Variants in SPOCK2 observed in about 807,000 individuals in gnomAD.
The protein encoded by SPOCK2 is SPARC (osteonectin), cwcv and kazal like domains proteoglycan 2, also known as testican-2.
A neutral mutation model predicts 60.1 loss-of-function variants in SPOCK2; 39 were observed. That is an observed-to-expected ratio of 0.65 (90% CI 0.50 to 0.85). The LOEUF is 0.85. Ranked by LOEUF, SPOCK2 falls within the 40% of genes least tolerant of loss-of-function variation. SPOCK2 has a pLI of 0.00. For missense variants in SPOCK2, 523 were observed against 567.4 expected, an observed-to-expected ratio of 0.92 and a Z score of 0.80; for synonymous variants, 217 against 231.5, an observed-to-expected ratio of 0.94 and a Z score of 0.57.
rs1463510858 is a variant in SPOCK2 at position 72,059,575 on chromosome 10, G to A, written c.*3185C>T. ...CATTTGTTCTCCCCAGGGGCTGAGG[G>A]CTCGGGCTTTGGTGAAGCAGAGGGT... is the stretch of plus-strand genomic sequence containing the variant. On this transcript the variant is annotated 3_prime_UTR_variant, in exon 11 of 11. Coordinates refer to ENST00000373109, the MANE Select transcript of SPOCK2 (RefSeq NM_001244950.2). The A allele has an allele frequency of 6.6e-6, 1 of 152,252 alleles. No individual in the cohort carries two copies. Among genetic ancestry groups the A allele is most frequent in the South Asian group, 2.1e-4 (1 of 4,830 alleles). 9.4% of individuals were successfully genotyped at this position (152,252 alleles called of 1,614,324 possible). A position where few individuals can be genotyped will look rare whatever the true frequency, so the allele number is the denominator to read the frequency against.
chr10:72,068,318 G>A lies in SPOCK2; in HGVS notation c.475-17C>T, dbSNP rs188474891. The A allele has an allele frequency of 1.9e-6, 3 of 1,594,780 alleles. No homozygotes were observed. The highest frequency in any genetic ancestry group is 1.1e-5 in the South Asian group (1 of 88,294). On this transcript the variant is annotated splice_polypyrimidine_tract_variant and intron_variant, in intron 5 of 10. Transcript: ENST00000373109. Reference sequence around the variant, plus strand: ...CAGCTTACACTGCACATGGGGAAAGGTGGAACAGGGGACTGAGGGCTTACC... The same window carrying A: ...CAGCTTACACTGCACATGGGGAAAGATGGAACAGGGGACTGAGGGCTTACC...
At position 72,063,142 on chromosome 10, in the gene SPOCK2, C is replaced by T. The variant is rs775714079; in HGVS notation, c.1012G>A (p.Asp338Asn). Reference sequence around the variant, plus strand: ...ATCTTCCGGTAGTAGCCATCCTCGTCGCAGCTCGGGATGAAGATGCCTGAA... The same window carrying T: ...ATCTTCCGGTAGTAGCCATCCTCGTTGCAGCTCGGGATGAAGATGCCTGAA... ...KKPGIFIPSC[D>N]EDGYYRKMQC... Residue 338 changes from aspartate to asparagine, a missense_variant, in exon 10 of 11, where the codon GAC becomes AAC. Asp to Asn is a conservative substitution (Grantham distance 23). Coordinates refer to ENST00000373109, the MANE Select transcript of SPOCK2 (RefSeq NM_001244950.2). 23 of 1,556,740 alleles carry T rather than the reference C, an allele frequency of 1.5e-5. No individual in the cohort carries two copies. The Admixed American group carries it at 2.7e-4, about 18-fold the overall frequency.
Position 72,087,042 on chromosome 10 carries a change from T to C in SPOCK2, c.189+1098A>G, listed in dbSNP as rs1840868002. On this transcript the variant is annotated intron_variant, in intron 1 of 10. Coordinates refer to ENST00000373109, the MANE Select transcript of SPOCK2 (RefSeq NM_001244950.2). This position sits in a 1 kb window ranked among gnomAD's most constrained non-coding sequence, Gnocchi z 4.7. ...GGGTCCTAGAAGAGGTTTTCTGGGG[T>C]CAGGGCCGCGGTGAGCACCAGGTCG... 2 of 1,539,378 alleles carry C rather than the reference T, an allele frequency of 1.3e-6. No homozygotes were observed. The highest frequency in any genetic ancestry group is 1.4e-5 in the African/African-American group (1 of 72,442).
chr10:72,080,197 C>T (rs955277932), intron 1 of SPOCK2, among the ~76,000 whole-genome samples: 2 of 152,124 alleles, frequency 1.3e-5, no homozygotes, highest in African/African-American at 2.4e-5. Flanking sequence ...AGCGACAGGA[C>T]GGAAAGAAGA....
intron 5 of SPOCK2, among the ~76,000 whole-genome samples, chr10:72,069,514 G>C (rs1589119972): frequency 6.8e-6 from 1 of 147,640 alleles, no homozygotes; most frequent in African/African-American, 2.5e-5. Context: ...CTGTCACCCA[G>C]GCTGGAGTGC....
In SPOCK2 at chr10:72,068,242, G is replaced by A; in HGVS notation, c.534C>T (p.Gly178=). 3 of 1,611,910 alleles carry A rather than the reference G, an allele frequency of 1.9e-6. No individual in the cohort carries two copies. Among genetic ancestry groups the A allele is most frequent in the Admixed American group, 1.7e-5 (1 of 59,836 alleles). The part of the protein sequence containing the change: ...SSKQLAVRCE[G]PCPCPTEQAA... ...CCTGCTCCGTGGGGCAGGGGCAGGG[G>A]CCCTCGCATCGCACCGCCAGCTGCT... Residue 178 remains glycine, a synonymous_variant, in exon 6 of 11, where the codon GGC becomes GGT. Coordinates refer to ENST00000373109, the MANE Select transcript of SPOCK2 (RefSeq NM_001244950.2).
At chr10:72,070,568 C>G in intron 4 of SPOCK2, 142 bp from the exon 5 acceptor site, 1 of 709,124 alleles carries the variant, frequency 1.4e-6, no homozygotes, top group East Asian at 2.8e-5. Flanking sequence ...CCTGCCCACC[C>G]TCCCCACACT....
At chr10:72,074,651 T>C (rs1014885371) in intron 1 of SPOCK2, among the ~76,000 whole-genome samples, 2 of 152,300 alleles carry the variant, frequency 1.3e-5, no homozygotes, top group Admixed American at 6.5e-5. Context: ...CTCGAGGCTC[T>C]CCCTCAGGCT....
At position 72,062,939 on chromosome 10, in the gene SPOCK2, A is replaced by G; in HGVS notation, c.1130-34T>C. The G allele has an allele frequency of 6.3e-7, 1 of 1,590,292 alleles. No homozygotes were observed. The highest frequency in any genetic ancestry group is 1.1e-5 in the South Asian group (1 of 88,356). On this transcript the variant is annotated intron_variant, in intron 10 of 10. Coordinates refer to ENST00000373109, the MANE Select transcript of SPOCK2 (RefSeq NM_001244950.2). This position sits in a 1 kb window ranked among gnomAD's most constrained non-coding sequence, Gnocchi z 4.3. ...GGATCAAGCCAACAGGGGGTGAGGG[A>G]GCTTCTGGCACGCACCCCCCAGCAT...
In SPOCK2 at chr10:72,059,702, T is replaced by G. The variant is rs1589114726; in HGVS notation, c.*3058A>C. On this transcript the variant is annotated 3_prime_UTR_variant, in exon 11 of 11. Transcript: ENST00000373109. ...GCAGGCGGGCTGGAGTGAAGGGGGG[T>G]GACCACCCCCCACGTGTGGGACAAC... The G allele has an allele frequency of 6.6e-6, 1 of 150,384 alleles. No homozygotes were observed. 9.3% of individuals were successfully genotyped at this position (150,384 alleles called of 1,614,324 possible). A position where few individuals can be genotyped will look rare whatever the true frequency, so the allele number is the denominator to read the frequency against.
chr10:72,062,731 C>T lies in SPOCK2; in HGVS notation c.*29G>A, dbSNP rs184489269. 416 of 1,578,848 alleles carry T rather than the reference C, an allele frequency of 2.6e-4. 5 individuals carry two copies. In the African/African-American group the frequency reaches 3.9e-3, roughly 15 times the overall value. ...GCTGCTCAGAGCTCTGCTGTTGAGT[C>T]CCCCCCGGCAGCCGGCTCCTGAGGG... is the stretch of plus-strand genomic sequence containing the variant. On this transcript the variant is annotated 3_prime_UTR_variant, in exon 11 of 11. Transcript: ENST00000373109. This position sits in a 1 kb window ranked among gnomAD's most constrained non-coding sequence, Gnocchi z 4.3.
Position 72,070,400 on chromosome 10 carries a change from T to G in SPOCK2, c.386A>C (p.His129Pro), listed in dbSNP as rs371405791. The G allele has an allele frequency of 6.2e-7, 1 of 1,614,112 alleles. No homozygotes were observed. Among genetic ancestry groups the G allele is most frequent in the Non-Finnish European group, 8.5e-7 (1 of 1,179,988 alleles). Residue 129 changes from histidine to proline, a missense_variant, in exon 5 of 11, where the codon CAT (histidine) becomes CCT (proline). Transcript: ENST00000373109. Reference protein sequence around the residue: ...HRIKQPTVKLHGNKDSICKPC... With the variant: ...HRIKQPTVKLPGNKDSICKPC... ...CTTGCAGATGGAGTCTTTGTTTCCA[T>G]GGAGTTTCACGGTCGGCTGCTTGAT...
intron 8 of SPOCK2, 34 bp from the exon 9 acceptor site, chr10:72,064,274 T>C (rs1391588309): frequency 6.4e-7 from 1 of 1,551,716 alleles, no homozygotes; most frequent in Non-Finnish European, 8.6e-7. Context: ...GATGGGACTG[T>C]CCCCTGGTGC....
At chr10:72,078,436 G>A (rs895670639) in intron 1 of SPOCK2, among the ~76,000 whole-genome samples, 2 of 151,860 alleles carry the variant, frequency 1.3e-5, no homozygotes, top group East Asian at 1.9e-4. Context: ...GCGTGAACCC[G>A]GTAGGCAGAG....
At chr10:72,080,890 A>T (rs1840774754) in intron 1 of SPOCK2, among the ~76,000 whole-genome samples, 1 of 151,978 alleles carries the variant, frequency 6.6e-6, no homozygotes, top group Non-Finnish European at 1.5e-5. Flanking sequence ...CTGCTGGTCC[A>T]GTGGCATCTT....
intron 7 of SPOCK2, 25 bp from the exon 8 acceptor site, chr10:72,067,145 C>A (rs377183664): frequency 1.3e-5 from 21 of 1,600,748 alleles, no homozygotes; most frequent in Middle Eastern, 1.9e-4. Flanking sequence ...GGTTCAGGCA[C>A]GCTTCATCTG....
intron 4 of SPOCK2, among the ~76,000 whole-genome samples, chr10:72,071,358 T>G (rs555675557): frequency 6.6e-6 from 1 of 152,162 alleles, no homozygotes; most frequent in Admixed American, 6.5e-5. Context: ...CCCAGCTAAT[T>G]TTGTATTTTC....
At chr10:72,071,180 T>C (rs1818048420) in intron 4 of SPOCK2, among the ~76,000 whole-genome samples, 1 of 151,784 alleles carries the variant, frequency 6.6e-6, no homozygotes, top group Admixed American at 6.6e-5. Flanking sequence ...TTCCTTTTTT[T>C]GTTTGTTTTG....
In SPOCK2 at chr10:72,061,822, C is replaced by G. The variant is rs991953859; in HGVS notation, c.*938G>C. On this transcript the variant is annotated 3_prime_UTR_variant, in exon 11 of 11. Coordinates refer to ENST00000373109, the MANE Select transcript of SPOCK2 (RefSeq NM_001244950.2). ...ACGAGACCCAGAGAAAAGGGACAGG[C>G]TATTCCAGGGTCTAGGATTCAGAGC... is the stretch of plus-strand genomic sequence containing the variant. 2 of 152,592 alleles carry G rather than the reference C, an allele frequency of 1.3e-5. No individual in the cohort carries two copies. Among genetic ancestry groups the G allele is most frequent in the African/African-American group, 2.4e-5 (1 of 41,434 alleles). The allele number at this position is 152,592 out of a possible 1,614,324, so 9.5% of individuals were successfully genotyped here.
Sources: gnomAD v4.1 joint callset for allele counts (sites outside exome capture counted in the v4.1 genomes callset) on GRCh38, gnomAD v4.1.1 for gene constraint, Gnocchi (gnomAD v3.1) non-coding constraint, MANE v1.5 for transcripts, NCBI Gene and HGNC (gene_info 2026-07-23, HGNC 2026-07-21) for gene names.